The following PEX14 variants were observed in gnomAD, a reference collection of about 807,000 sequenced individuals.
PEX14 encodes peroxisomal membrane protein PEX14.
PEX14 carries 15 observed loss-of-function variants against 49.5 expected under a neutral mutation model. That is an observed-to-expected ratio of 0.30 (90% CI 0.20 to 0.47). PEX14 has a LOEUF of 0.47. Among genes scored for constraint, PEX14 ranks in the 20% least tolerant of loss-of-function variants. The pLI is 1.00. For missense variants in PEX14, 398 were observed against 494.8 expected, an observed-to-expected ratio of 0.80 and a Z score of 1.86; for synonymous variants, 210 against 212.7, an observed-to-expected ratio of 0.99 and a Z score of 0.11.
At chr1:10,486,774 G>A (rs1381840697) in intron 1 of PEX14, among the ~76,000 whole-genome samples, 1 of 147,204 alleles carries the variant, frequency 6.8e-6, no homozygotes, top group East Asian at 2.0e-4. Flanking sequence ...TGCAACCTCC[G>A]CCTCCTGGGT....
intron 4 of PEX14, among the ~76,000 whole-genome samples, chr1:10,610,975 C>T (rs923568655): frequency 6.6e-6 from 1 of 151,980 alleles, no homozygotes; most frequent in East Asian, 1.9e-4. Flanking sequence ...AGGCTGGGTG[C>T]GGTTGCTCAC....
At chr1:10,580,398 T>C (rs573593286) in intron 3 of PEX14, among the ~76,000 whole-genome samples, 14 of 152,212 alleles carry the variant, frequency 9.2e-5, no homozygotes, top group African/African-American at 3.4e-4. Context: ...TTAATTTTTG[T>C]ATTTTTAGTA....
At chr1:10,487,244 A>G (rs1368708002) in intron 1 of PEX14, among the ~76,000 whole-genome samples, 1 of 150,768 alleles carries the variant, frequency 6.6e-6, no homozygotes, top group Non-Finnish European at 1.5e-5. Flanking sequence ...GAGGGATATT[A>G]TTCTATAGTT....
intron 3 of PEX14, among the ~76,000 whole-genome samples, chr1:10,560,506 G>A (rs1174075168): frequency 2.0e-5 from 3 of 151,706 alleles, no homozygotes; most frequent in Admixed American, 1.3e-4. Flanking sequence ...GGGACCACAG[G>A]TGTGCACCAC....
chr1:10,532,724 T>C (rs1638684413), intron 2 of PEX14, among the ~76,000 whole-genome samples: 2 of 152,166 alleles, frequency 1.3e-5, no homozygotes, highest in South Asian at 4.1e-4. Context: ...ATATAACCCA[T>C]GAATAGTCAC....
At chr1:10,556,685 G>A (rs1350849061) in intron 3 of PEX14, among the ~76,000 whole-genome samples, 3 of 151,622 alleles carry the variant, frequency 2.0e-5, no homozygotes, top group Non-Finnish European at 4.4e-5. Context: ...TGTCTTTGGG[G>A]CATTTCATCA....
At chr1:10,507,236 A>G (rs1641799245) in intron 2 of PEX14, among the ~76,000 whole-genome samples, 2 of 152,260 alleles carry the variant, frequency 1.3e-5, no homozygotes, top group Admixed American at 6.5e-5. Context: ...GCTGGTGTCC[A>G]TGCTGCTGAA....
rs75025114 is a variant in PEX14, at chr1:10,542,228, A to T, written c.169+5931A>T. 4.1e-4 allele frequency among the ~76,000 whole-genome samples: 63 copies of T among 152,264 alleles called. 1 individual carries two copies. The East Asian group carries it at 0.012, about 28-fold the overall frequency. On this transcript the variant is annotated intron_variant, in intron 3 of 8. Coordinates refer to ENST00000356607, the MANE Select transcript of PEX14 (RefSeq NM_004565.3). ...CCCCACCCGTTCTCTTTTGCAGAGG[A>T]TGCTACAGTTTCTTATGTATCATTC...
rs1016981683 is a variant in PEX14 at position 10,484,727 on chromosome 1, T to G, written c.36+9725T>G. On this transcript the variant is annotated intron_variant, in intron 1 of 8. Transcript: ENST00000356607. ...ATCTGTCAGGACTGTGGTCGCTGAC[T>G]AGGGAGGGGTCTGCTTCCTAGCTTG... 3.0e-4 allele frequency among the ~76,000 whole-genome samples: 45 copies of G among 151,622 alleles called. 2 individuals carry two copies. Among genetic ancestry groups the G allele is most frequent in the Admixed American group, 3.0e-3 (45 of 15,240 alleles).
intron 1 of PEX14, among the ~76,000 whole-genome samples, chr1:10,493,821 C>T (rs1444904051): frequency 6.6e-6 from 1 of 152,162 alleles, no homozygotes; most frequent in East Asian, 1.9e-4. Context: ...TAGTTTACAT[C>T]ATTTGGTGAA....
At chr1:10,575,710 T>C (rs1360990276) in intron 3 of PEX14, among the ~76,000 whole-genome samples, 1 of 152,230 alleles carries the variant, frequency 6.6e-6, no homozygotes, top group East Asian at 1.9e-4. Context: ...ATTTATTTTC[T>C]TTCTTTCTTG....
rs1333814653 is a variant in PEX14 at position 10,495,352 on chromosome 1, C to A, written c.84+31C>A. 1 of 1,575,050 alleles carries A rather than the reference C, an allele frequency of 6.3e-7. No homozygotes were observed. The highest frequency in any genetic ancestry group is 1.7e-5 in the Admixed American group (1 of 59,560). ...TACCCAAGATATGTGGTATCACTTT[C>A]TAGTAATTAAAATGCCACGCGAGTG... On this transcript the variant is annotated intron_variant, in intron 2 of 8. Coordinates refer to ENST00000356607, the MANE Select transcript of PEX14 (RefSeq NM_004565.3). The surrounding 1 kb of genome is among the most constrained non-coding windows in gnomAD (Gnocchi z 4.2).
intron 8 of PEX14, among the ~76,000 whole-genome samples, chr1:10,627,693 C>A (rs1469504930): frequency 6.6e-6 from 1 of 152,222 alleles, no homozygotes; most frequent in Non-Finnish European, 1.5e-5. Context: ...TTCCTGAGCT[C>A]CAGGTGACCA....
intron 3 of PEX14, among the ~76,000 whole-genome samples, chr1:10,595,695 A>G (rs1034876431): frequency 2.0e-5 from 3 of 152,264 alleles, no homozygotes; most frequent in African/African-American, 7.2e-5. Context: ...CTTTGCTTCC[A>G]GCTCTCTGCC....
intron 3 of PEX14, among the ~76,000 whole-genome samples, chr1:10,570,847 G>GTTTT (rs1557850830): frequency 4.8e-5 from 3 of 63,078 alleles, no homozygotes; most frequent in Non-Finnish European, 7.9e-5. Flanking sequence ...ATGTCAACAG[G>GTTTT]GTTTTTTTTT....
intron 3 of PEX14, among the ~76,000 whole-genome samples, chr1:10,571,758 G>A (rs12133103): frequency 0.61 from 93,205 of 151,600 alleles, 29,878 homozygotes; most frequent in Admixed American, 0.7. Context: ...GCAGGGAGCC[G>A]TGATTGTGCC....
chr1:10,603,731 A>G (rs1016719974), intron 4 of PEX14, among the ~76,000 whole-genome samples: 3 of 152,230 alleles, frequency 2.0e-5, no homozygotes, highest in Non-Finnish European at 4.4e-5. Context: ...TCGTCCTCCC[A>G]GAGAGACCAA....
intron 3 of PEX14, among the ~76,000 whole-genome samples, chr1:10,557,053 C>T (rs924264956): frequency 2.0e-5 from 3 of 152,056 alleles, no homozygotes; most frequent in Non-Finnish European, 1.5e-5. Context: ...TGCCTCTTCT[C>T]TCATCTTTCT....
chr1:10,611,525 CAT>C (rs1186190045), intron 4 of PEX14, among the ~76,000 whole-genome samples: 3 of 152,210 alleles, frequency 2.0e-5, no homozygotes, highest in South Asian at 2.1e-4. Flanking sequence ...GGCTTAGTCA[CAT>C]GTTAGGTCCA....
Sources: gnomAD v4.1 joint callset for allele counts (sites outside exome capture counted in the v4.1 genomes callset) on GRCh38, gnomAD v4.1.1 for gene constraint, Gnocchi (gnomAD v3.1) non-coding constraint, MANE v1.5 for transcripts, NCBI Gene and HGNC (gene_info 2026-07-23, HGNC 2026-07-21) for gene names.